Variants in CSRP3 observed in about 807,000 individuals in gnomAD.
CSRP3 encodes the protein cysteine and glycine rich protein 3.
In CSRP3, 24 loss-of-function variants were observed where a neutral mutation model predicts 24.3. The observed-to-expected ratio is 0.99, with a 90% CI of 0.71 to 1.39. The LOEUF (loss-of-function observed/expected upper bound fraction) is 1.39, where lower values mean the gene tolerates loss of function less well. Ranked by LOEUF, CSRP3 falls within the 40% of genes most tolerant of loss-of-function variation. The pLI is 0.00. For missense variants in CSRP3, 240 were observed against 249.0 expected, an observed-to-expected ratio of 0.96 and a Z score of 0.24; for synonymous variants, 105 against 94.0, an observed-to-expected ratio of 1.12 and a Z score of -0.68.
intron 5 of CSRP3, among the ~76,000 whole-genome samples, chr11:19,183,751 G>C (rs1178383147): frequency 6.6e-6 from 1 of 152,156 alleles, no homozygotes; most frequent in African/African-American, 2.4e-5. Context: ...TTCCCATCCT[G>C]TGTCATCACA....
At position 19,188,256 on chromosome 11, in the gene CSRP3, G is replaced by A. The variant is rs759455306; in HGVS notation, c.161C>T (p.Ser54Leu). 8 of 1,613,002 alleles carry A rather than the reference G, an allele frequency of 5.0e-6. No individual in the cohort carries two copies. The highest frequency in any genetic ancestry group is 1.9e-4 in the Middle Eastern group (1 of 5,204). ...ATAGCACACCTTGCAGTAGATCTCC[G>A]ACTCATGAGCCGCGACTGTCGTGCT... ...LDSTTVAAHE[S>L]EIYCKVCYGR... is the part of the protein sequence containing the mutation. Residue 54 changes from serine to leucine, a missense_variant, in exon 3 of 6, where the codon TCG becomes TTG. Physicochemically the swap from Ser to Leu is moderately radical, Grantham distance 145. Coordinates refer to ENST00000265968, the MANE Select transcript of CSRP3 (RefSeq NM_003476.5).
intron 1 of CSRP3, among the ~76,000 whole-genome samples, chr11:19,200,396 C>G (rs1356737448): frequency 6.6e-6 from 1 of 152,232 alleles, no homozygotes; most frequent in African/African-American, 2.4e-5. Context: ...TCTCCACTTC[C>G]TCCAAGGGAA....
intron 1 of CSRP3, chr11:19,196,909 C>T (rs371340971): frequency 6.6e-6 from 1 of 152,224 alleles, no homozygotes; most frequent in Non-Finnish European, 1.5e-5. Context: ...GATTTGGATA[C>T]TCAGATCCCG....
intron 1 of CSRP3, among the ~76,000 whole-genome samples, chr11:19,192,869 T>G (rs1038003533): frequency 3.7e-4 from 57 of 152,276 alleles, no homozygotes; most frequent in African/African-American, 1.3e-3. Context: ...GAAGATGGTA[T>G]TTTCTTCTTG....
chr11:19,192,289 G>T, intron 2 of CSRP3, 48 bp downstream of exon 2: 1 of 1,267,192 alleles, frequency 7.9e-7, no homozygotes, highest in Non-Finnish European at 1.2e-6. Context: ...TGAATTTTGT[G>T]ATGCTGTCCG....
chr11:19,198,244 AC>A (rs1033702588), intron 1 of CSRP3, among the ~76,000 whole-genome samples: 3 of 151,950 alleles, frequency 2.0e-5, no homozygotes, highest in Non-Finnish European at 4.4e-5. Context: ...CTGCCATTTA[AC>A]CCCCCGTTAA....
chr11:19,199,288 C>T (rs1288302076), intron 1 of CSRP3, among the ~76,000 whole-genome samples: 5 of 152,076 alleles, frequency 3.3e-5, no homozygotes, highest in South Asian at 4.2e-4. Flanking sequence ...AGATATATGA[C>T]GTCCTCCGGC....
intron 5 of CSRP3, among the ~76,000 whole-genome samples, chr11:19,184,080 G>A (rs944030180): frequency 6.6e-6 from 1 of 152,168 alleles, no homozygotes; most frequent in African/African-American, 2.4e-5. Flanking sequence ...AAATTACCCA[G>A]TCTTGAGTAT....
intron 1 of CSRP3, among the ~76,000 whole-genome samples, chr11:19,199,318 C>T (rs1565056725): frequency 6.6e-6 from 1 of 152,192 alleles, no homozygotes; most frequent in East Asian, 1.9e-4. Flanking sequence ...TTTCACAGAG[C>T]CCAGGAAGAA....
chr11:19,192,512 T>TG (rs1458902168), intron 1 of CSRP3, 36 bp from the exon 2 acceptor site: 1 of 1,345,936 alleles, frequency 7.4e-7, no homozygotes, highest in African/African-American at 1.4e-5. Context: ...TACATTGAAG[T>TG]GGCCCCAGGA....
At chr11:19,189,994 T>A (rs1232062355) in intron 2 of CSRP3, among the ~76,000 whole-genome samples, 2 of 152,256 alleles carry the variant, frequency 1.3e-5, no homozygotes, top group Non-Finnish European at 2.9e-5. Context: ...GTCTAGACTC[T>A]GAGTTCCTTG....
chr11:19,197,501 C>CTCTTTCGTTCTTTCTTTCTTTCTT (rs1491110501), intron 1 of CSRP3, among the ~76,000 whole-genome samples: 5 of 67,126 alleles, frequency 7.4e-5, no homozygotes, highest in African/African-American at 2.7e-4. Context: ...CCCTCTTTTC[C>CTCTTTCGTTCTTTCTTTCTTTCTT]TCTTTCTTTC....
At chr11:19,188,713 A>C in intron 2 of CSRP3, among the ~76,000 whole-genome samples, 1 of 151,428 alleles carries the variant, frequency 6.6e-6, no homozygotes, top group East Asian at 1.9e-4. Context: ...CTTTTTTCTT[A>C]ATCATAAAAG....
intron 5 of CSRP3, 50 bp downstream of exon 5, chr11:19,184,902 G>T (rs1850499522): frequency 7.4e-7 from 1 of 1,355,614 alleles, no homozygotes; most frequent in Non-Finnish European, 1.1e-6. Flanking sequence ...CCTCTCCCAA[G>T]GGCCCTTTTA....
At chr11:19,184,271 G>A (rs149528028) in intron 5 of CSRP3, among the ~76,000 whole-genome samples, 235 of 152,276 alleles carry the variant, frequency 1.5e-3, no homozygotes, top group Non-Finnish European at 2.8e-3. Context: ...ATAGGCCTAG[G>A]CTCAGGGGTG....
intron 1 of CSRP3, among the ~76,000 whole-genome samples, chr11:19,199,557 A>G (rs1346087636): frequency 6.6e-6 from 1 of 152,172 alleles, no homozygotes; most frequent in South Asian, 2.1e-4. Context: ...ATCCCAGTTT[A>G]CCTCCTGGCT....
chr11:19,199,523 A>G (rs899698317), intron 1 of CSRP3, among the ~76,000 whole-genome samples: 7 of 152,088 alleles, frequency 4.6e-5, no homozygotes, highest in Admixed American at 6.5e-5. Flanking sequence ...GACCTCTACA[A>G]TTTATTTCTA....
chr11:19,200,661 C>A (rs2133529210), intron 1 of CSRP3, among the ~76,000 whole-genome samples: 1 of 152,348 alleles, frequency 6.6e-6, no homozygotes, highest in Non-Finnish European at 1.5e-5. Context: ...AGCCTGGGCT[C>A]ATTGCCACTG....
chr11:19,182,374 A>G lies in CSRP3; in HGVS notation c.*296T>C. 5.3e-6 allele frequency: 2 copies of G among 379,204 alleles called. No homozygotes were observed. The highest frequency in any genetic ancestry group is 9.6e-6 in the Non-Finnish European group (2 of 207,280). The allele number at this position is 379,204 out of a possible 1,614,324, so 23.5% of individuals were successfully genotyped here. On this transcript the variant is annotated 3_prime_UTR_variant, in exon 6 of 6. Transcript: ENST00000265968. Reference sequence around the variant, plus strand: ...TTTGAACTAGCTTTATGTTTTTGAAAATTTCTATCTCAAAGAAAAGATCTA... The same window carrying G: ...TTTGAACTAGCTTTATGTTTTTGAAGATTTCTATCTCAAAGAAAAGATCTA...
Sources: allele counts gnomAD v4.1 joint callset (sites outside exome capture counted in the v4.1 genomes callset), GRCh38; gene constraint gnomAD v4.1.1; transcripts MANE v1.5; gene names NCBI Gene and HGNC (gene_info 2026-07-23, HGNC 2026-07-21).